Variants in FAM227A observed in about 807,000 individuals in gnomAD.
FAM227A encodes family with sequence similarity 227 member A.
A neutral mutation model predicts 74.7 loss-of-function variants in FAM227A; 80 were observed. The ratio of observed to expected loss-of-function variants is 1.07; its 90% confidence interval spans 0.89 to 1.29. The LOEUF is 1.29. FAM227A is among the 50% of genes most tolerant of loss of function. FAM227A has a pLI of 0.00. For synonymous variants in FAM227A, 237 were observed against 241.8 expected (o/e 0.98, Z 0.19); for missense variants, 654 against 683.4 (o/e 0.96, Z 0.48).
At position 38,611,539 on chromosome 22, in the gene FAM227A, C is replaced by G. The variant is rs114724803; in HGVS notation, c.1039-4063G>C. Reference sequence around the variant, plus strand: ...CGACAATCTCTGGGACATCACCTACCCCTAGATTGAATCTATAAGAATCAA... The same window carrying G: ...CGACAATCTCTGGGACATCACCTACGCCTAGATTGAATCTATAAGAATCAA... On this transcript the variant is annotated intron_variant, in intron 11 of 16. Coordinates refer to ENST00000535113, the MANE Select transcript of FAM227A (RefSeq NM_001013647.2). 2.9e-3 allele frequency among the ~76,000 whole-genome samples: 441 copies of G among 152,214 alleles called. 2 individuals carry two copies. The highest frequency in any genetic ancestry group is 9.9e-3 in the African/African-American group (410 of 41,522).
intron 2 of FAM227A, among the ~76,000 whole-genome samples, chr22:38,648,971 CAA>C (rs55894604): frequency 4.3e-4 from 56 of 128,854 alleles, no homozygotes; most frequent in Admixed American, 6.5e-4. Context: ...GACTCTGTCT[CAA>C]AAAAAAAAAA....
chr22:38,620,492 G>A (rs1461764879), intron 10 of FAM227A, among the ~76,000 whole-genome samples: 1 of 152,122 alleles, frequency 6.6e-6, no homozygotes, highest in Non-Finnish European at 1.5e-5. Flanking sequence ...TAGGGTGAAT[G>A]CACCAATTAA....
At chr22:38,641,576 AAGAG>A (rs2092115503) in intron 3 of FAM227A, among the ~76,000 whole-genome samples, 1 of 151,344 alleles carries the variant, frequency 6.6e-6, no homozygotes, top group Non-Finnish European at 1.5e-5. Context: ...AAACAAAACA[AAGAG>A]AGAAAAACCT....
rs902620300 is a variant in FAM227A, at chr22:38,634,176, T to C, written c.519+2275A>G. Among the ~76,000 whole-genome samples, 6 of 138,938 alleles carry C rather than the reference T, an allele frequency of 4.3e-5. No individual in the cohort carries two copies. In the Admixed American group the frequency reaches 4.8e-4, roughly 11 times the overall value. The allele number at this position is 138,938 out of a possible 152,430, so 91.1% of individuals were successfully genotyped here. A position where few individuals can be genotyped will look rare whatever the true frequency, so the allele number is the denominator to read the frequency against. ...AGGGGAGGTTGCAGTGAGCTGAGAC[T>C]GTGCAACAGCACTCCAGCCTGGGAG... is the stretch of plus-strand genomic sequence containing the variant. On this transcript the variant is annotated intron_variant, in intron 6 of 16. Coordinates refer to ENST00000535113, the MANE Select transcript of FAM227A (RefSeq NM_001013647.2).
chr22:38,636,693 C>T, intron 5 of FAM227A, 96 bp from the exon 6 acceptor site: 3 of 1,140,656 alleles, frequency 2.6e-6, no homozygotes, highest in Non-Finnish European at 2.4e-6. Context: ...GACAATATAA[C>T]AACCTTATAG....
intron 3 of FAM227A, among the ~76,000 whole-genome samples, chr22:38,643,629 C>G (rs1373894814): frequency 6.6e-6 from 1 of 152,098 alleles, no homozygotes; most frequent in Non-Finnish European, 1.5e-5. Flanking sequence ...ACCATAGGAT[C>G]TAGCAATTGT....
rs2090699173 is a variant in FAM227A at position 38,580,675 on chromosome 22, A to G, written c.*5450T>C. The G allele has an allele frequency of 6.6e-6, 1 of 152,210 alleles. No individual in the cohort carries two copies. The highest frequency in any genetic ancestry group is 2.4e-5 in the African/African-American group (1 of 41,452). 9.4% of individuals were successfully genotyped at this position (152,210 alleles called of 1,614,324 possible). ...TTCCACTACTATTTGGTTACCTGGT[A>G]ATACAGTTCATATGGGAATGGCATG... On this transcript the variant is annotated 3_prime_UTR_variant, in exon 17 of 17. Transcript: ENST00000535113.
chr22:38,587,831 C>A (rs565733286), intron 16 of FAM227A, among the ~76,000 whole-genome samples: 82 of 152,272 alleles, frequency 5.4e-4, no homozygotes, highest in South Asian at 8.3e-4. Context: ...AGATCTTCAA[C>A]AAATACTAAA....
At chr22:38,653,576 C>A (rs1415994787) in intron 1 of FAM227A, among the ~76,000 whole-genome samples, 1 of 151,978 alleles carries the variant, frequency 6.6e-6, no homozygotes, top group African/African-American at 2.4e-5. Context: ...GGGGTTTCAC[C>A]ATGTTGGTCA....
chr22:38,645,514 G>C (rs1252254128), intron 3 of FAM227A, 49 bp downstream of exon 3: 1 of 1,281,762 alleles, frequency 7.8e-7, no homozygotes, highest in Non-Finnish European at 1.1e-6. Context: ...GATCCCCGGG[G>C]CCCTTCCCTG....
At chr22:38,635,776 G>C (rs536429092) in intron 6 of FAM227A, among the ~76,000 whole-genome samples, 3 of 152,292 alleles carry the variant, frequency 2.0e-5, no homozygotes, top group Non-Finnish European at 4.4e-5. Context: ...GGGAGGGGAA[G>C]ATGGCTTGAG....
intron 2 of FAM227A, among the ~76,000 whole-genome samples, chr22:38,646,168 T>C (rs1417278519): frequency 6.7e-6 from 1 of 149,102 alleles, no homozygotes; most frequent in Non-Finnish European, 1.5e-5. Flanking sequence ...TTGGAACATA[T>C]AAAAAGTGAA....
At chr22:38,632,146 A>G (rs538518330) in intron 6 of FAM227A, among the ~76,000 whole-genome samples, 1 of 152,272 alleles carries the variant, frequency 6.6e-6, no homozygotes, top group African/African-American at 2.4e-5. Context: ...GGTTAGATAG[A>G]GGCAGAGGGA....
At chr22:38,639,365 C>T (rs550477499) in intron 4 of FAM227A, among the ~76,000 whole-genome samples, 2 of 150,736 alleles carry the variant, frequency 1.3e-5, no homozygotes, top group South Asian at 2.1e-4. Context: ...GCAGAGATTA[C>T]GCCACTGCAC....
intron 1 of FAM227A, among the ~76,000 whole-genome samples, chr22:38,650,584 C>T (rs547105737): frequency 1.4e-4 from 22 of 152,314 alleles, no homozygotes; most frequent in African/African-American, 2.6e-4. Context: ...AGTTCCCAAA[C>T]GAGAAATGAA....
intron 11 of FAM227A, among the ~76,000 whole-genome samples, chr22:38,619,948 C>T (rs1012387540): frequency 1.3e-5 from 2 of 152,176 alleles, no homozygotes; most frequent in East Asian, 1.9e-4. Context: ...TCTTGCACTG[C>T]AGCCTACACT....
chr22:38,592,414 T>C (rs1337019467), intron 15 of FAM227A, among the ~76,000 whole-genome samples: 1 of 152,212 alleles, frequency 6.6e-6, no homozygotes, highest in African/African-American at 2.4e-5. Context: ...ATAAACTTAA[T>C]CCTGGATATT....
In FAM227A at chr22:38,613,352, AT is replaced by A. The variant is rs2091495384; in HGVS notation, c.1039-5877del. Among the ~76,000 whole-genome samples, 5 of 93,614 alleles carry A rather than the reference AT, an allele frequency of 5.3e-5. No individual in the cohort carries two copies. The South Asian group carries it at 1.1e-3, about 20-fold the overall frequency. 61.4% of individuals were successfully genotyped at this position (93,614 alleles called of 152,430 possible). A position where few individuals can be genotyped will look rare whatever the true frequency, so the allele number is the denominator to read the frequency against. On this transcript the variant is annotated intron_variant, in intron 11 of 16. Coordinates refer to ENST00000535113, the MANE Select transcript of FAM227A (RefSeq NM_001013647.2). ...ATATATAATATATAACATATATTAT[AT>A]AATATATATCATATATAATATATAA...
In FAM227A at chr22:38,654,191, A is replaced by G. The variant is rs544510006; in HGVS notation, c.-95+1929T>C. Among the ~76,000 whole-genome samples the G allele has an allele frequency of 2.0e-5, 3 of 151,970 alleles. No individual in the cohort carries two copies. In the South Asian group the frequency reaches 6.3e-4, roughly 32 times the overall value. ...GTGAAACCCCGTCTCCACTAAAAAT[A>G]CAAAAAACTAGCCGGGTGTGATGGC... On this transcript the variant is annotated intron_variant, in intron 1 of 16. Coordinates refer to ENST00000535113, the MANE Select transcript of FAM227A (RefSeq NM_001013647.2).
Sources: gnomAD v4.1 joint callset for allele counts (sites outside exome capture counted in the v4.1 genomes callset) on GRCh38, gnomAD v4.1.1 for gene constraint, MANE v1.5 for transcripts, NCBI Gene and HGNC (gene_info 2026-07-23, HGNC 2026-07-21) for gene names.